The following TTC8 variants were observed in gnomAD, a reference collection of about 807,000 sequenced individuals.
TTC8 encodes the protein tetratricopeptide repeat protein 8.
In TTC8, 47 loss-of-function variants were observed where a neutral mutation model predicts 72.5. The ratio of observed to expected loss-of-function variants is 0.65; its 90% confidence interval spans 0.51 to 0.83. TTC8 has a LOEUF of 0.83. Among genes scored for constraint, TTC8 ranks in the 40% least tolerant of loss-of-function variants. TTC8 has a pLI of 0.00. For synonymous variants in TTC8, 199 were observed against 221.4 expected (o/e 0.90, Z 0.90); for missense variants, 611 against 623.2 (o/e 0.98, Z 0.21).
chr14:88,854,697 T>C (rs2094848400), intron 8 of TTC8, among the ~76,000 whole-genome samples: 1 of 152,190 alleles, frequency 6.6e-6, no homozygotes, highest in Non-Finnish European at 1.5e-5. Context: ...TTTTATTATA[T>C]TTTTTAGAGA....
At chr14:88,849,808 G>C (rs543018885) in intron 7 of TTC8, among the ~76,000 whole-genome samples, 1 of 152,290 alleles carries the variant, frequency 6.6e-6, no homozygotes, top group South Asian at 2.1e-4. Flanking sequence ...TTCTGCCTTT[G>C]AGTATTTAAT....
intron 1 of TTC8, among the ~76,000 whole-genome samples, chr14:88,826,248 A>G (rs1388306675): frequency 2.0e-5 from 3 of 151,354 alleles, no homozygotes; most frequent in Non-Finnish European, 4.4e-5. Flanking sequence ...TCGGCCTCCC[A>G]AAGTGTTGGG....
At chr14:88,849,124 G>A (rs560591722) in intron 7 of TTC8, among the ~76,000 whole-genome samples, 30 of 152,090 alleles carry the variant, frequency 2.0e-4, no homozygotes, top group Middle Eastern at 6.8e-3. Context: ...TGATACATGC[G>A]TTGATTAGTT....
chr14:88,876,889 G>T lies in TTC8; in HGVS notation c.1432-405G>T, dbSNP rs74989299. On this transcript the variant is annotated intron_variant, in intron 14 of 14. Coordinates refer to ENST00000380656, the MANE Select transcript of TTC8 (RefSeq NM_144596.4). ...TTTTGTTTGTGGTACCTTACAGATA[G>T]TTTTCTCTAAGTTTTCTGAGCTATC... 1.6e-3 allele frequency among the ~76,000 whole-genome samples: 238 copies of T among 152,178 alleles called. 9 individuals carry two copies. The East Asian group carries it at 0.042, about 27-fold the overall frequency.
At chr14:88,862,086 C>T (rs932586925) in intron 10 of TTC8, among the ~76,000 whole-genome samples, 3 of 152,080 alleles carry the variant, frequency 2.0e-5, no homozygotes, top group African/African-American at 7.2e-5. Context: ...TACTACTTTA[C>T]ATTCCCATCA....
chr14:88,846,127 C>T (rs1201439288), intron 7 of TTC8, among the ~76,000 whole-genome samples: 1 of 151,672 alleles, frequency 6.6e-6, no homozygotes, highest in Non-Finnish European at 1.5e-5. Context: ...GGCAACGTGG[C>T]GAAACCCTGT....
At chr14:88,826,629 G>A (rs2094702395) in intron 1 of TTC8, among the ~76,000 whole-genome samples, 1 of 152,062 alleles carries the variant, frequency 6.6e-6, no homozygotes, top group Admixed American at 6.5e-5. Flanking sequence ...GCGTGAACCC[G>A]GAAGGCGGAG....
chr14:88,841,236 G>C (rs1344739523), intron 5 of TTC8, 40 bp downstream of exon 5: 1 of 1,612,438 alleles, frequency 6.2e-7, no homozygotes, highest in Non-Finnish European at 8.5e-7. Flanking sequence ...GTATTACTTT[G>C]GTATTACCAA....
rs753377310 is a variant in TTC8, at chr14:88,877,421, G to T, written c.*11G>T. Reference sequence around the variant, plus strand: ...TTTGCTATGCTCTGATTGTTCCTTAGACCACATATGTTCTTATGAAGCAGC... The same window carrying T: ...TTTGCTATGCTCTGATTGTTCCTTATACCACATATGTTCTTATGAAGCAGC... On this transcript the variant is annotated 3_prime_UTR_variant, in exon 15 of 15. Transcript: ENST00000380656. 6.3e-7 allele frequency: 1 copy of T among 1,596,772 alleles called. No homozygotes were observed. Among genetic ancestry groups the T allele is most frequent in the African/African-American group, 1.3e-5 (1 of 74,488 alleles).
Position 88,871,518 on chromosome 14 carries a change from C to T in TTC8, c.1050-31C>T. 6.2e-7 allele frequency: 1 copy of T among 1,610,624 alleles called. No individual in the cohort carries two copies. The highest frequency in any genetic ancestry group is 2.2e-5 in the East Asian group (1 of 44,802). ...CTTAAAACTTACAAAGTTGGTCTGA[C>T]ACCAAAATTTGTGTGTTCTTTTTTG... On this transcript the variant is annotated intron_variant, in intron 11 of 14. Coordinates refer to ENST00000380656, the MANE Select transcript of TTC8 (RefSeq NM_144596.4). This position sits in a 1 kb window ranked among gnomAD's most constrained non-coding sequence, Gnocchi z 4.1.
Position 88,872,453 on chromosome 14 carries a change from G to T in TTC8, c.1347+1G>T. 1 of 1,613,698 alleles carries T rather than the reference G, an allele frequency of 6.2e-7. No individual in the cohort carries two copies. Among genetic ancestry groups the T allele is most frequent in the Non-Finnish European group, 8.5e-7 (1 of 1,179,770 alleles). ...GATGCGGAAGGGCCACGTTGAACAG[G>T]TCAGTGAACTGGCAGCGGCATGCTG... On this transcript the variant is annotated splice_donor_variant, in intron 13 of 14. Transcript: ENST00000380656. LOFTEE classifies it high-confidence loss of function.
intron 4 of TTC8, 52 bp from the exon 5 acceptor site, chr14:88,840,985 G>T (rs2094777924): frequency 6.2e-7 from 1 of 1,613,802 alleles, no homozygotes; most frequent in Non-Finnish European, 8.5e-7. Flanking sequence ...CTGTATGAGA[G>T]TCTTTCCTCA....
At chr14:88,848,901 A>G (rs1033290324) in intron 7 of TTC8, among the ~76,000 whole-genome samples, 4 of 152,154 alleles carry the variant, frequency 2.6e-5, no homozygotes, top group African/African-American at 9.7e-5. Context: ...AAAATTTTTC[A>G]ACAATAATGT....
chr14:88,880,345 T>A (rs928936149), downstream of TTC8: 7 of 152,266 alleles, frequency 4.6e-5, no homozygotes, highest in South Asian at 8.3e-4. Flanking sequence ...AAAACAACAT[T>A]TTTGAGAGAG....
intron 1 of TTC8, among the ~76,000 whole-genome samples, chr14:88,828,235 G>C (rs1442285456): frequency 3.3e-5 from 5 of 152,094 alleles, no homozygotes; most frequent in African/African-American, 1.2e-4. Context: ...CCAGGAGAGT[G>C]TTTCTAATAG....
At chr14:88,825,315 C>T (rs1485848349) in intron 1 of TTC8, among the ~76,000 whole-genome samples, 1 of 152,052 alleles carries the variant, frequency 6.6e-6, no homozygotes, top group Non-Finnish European at 1.5e-5. Context: ...TGAAGGAGGC[C>T]ATGAGTTTAG....
At chr14:88,827,579 G>A (rs1256116916) in intron 1 of TTC8, among the ~76,000 whole-genome samples, 1 of 152,142 alleles carries the variant, frequency 6.6e-6, no homozygotes, top group Non-Finnish European at 1.5e-5. Context: ...ACTAGGTAGG[G>A]CTATTGAAAA....
At chr14:88,829,353 C>A (rs912966210) in intron 1 of TTC8, among the ~76,000 whole-genome samples, 2 of 152,310 alleles carry the variant, frequency 1.3e-5, no homozygotes, top group South Asian at 4.1e-4. Flanking sequence ...CCTCTCCGTA[C>A]AGCACTGTGA....
Position 88,859,171 on chromosome 14 carries a change from T to C in TTC8, c.798+1894T>C, listed in dbSNP as rs185861157. Among the ~76,000 whole-genome samples the C allele has an allele frequency of 9.9e-5, 15 of 152,214 alleles. No individual in the cohort carries two copies. The East Asian group carries it at 2.9e-3, about 29-fold the overall frequency. On this transcript the variant is annotated intron_variant, in intron 9 of 14. Coordinates refer to ENST00000380656, the MANE Select transcript of TTC8 (RefSeq NM_144596.4). ...GTATGAATGGATGGTTATTATGTAA[T>C]AGAGATCAAGCAGATTTTTGTTCTA...
Sources: gnomAD v4.1 joint callset for allele counts (sites outside exome capture counted in the v4.1 genomes callset) on GRCh38, gnomAD v4.1.1 for gene constraint, Gnocchi (gnomAD v3.1) non-coding constraint, MANE v1.5 for transcripts, NCBI Gene and HGNC (gene_info 2026-07-23, HGNC 2026-07-21) for gene names.